RALYL: variants seen among roughly 807,000 people sequenced by gnomAD.
RALYL encodes the protein RALY RNA binding protein like, also known as RNA-binding Raly-like protein.
RALYL carries 29 observed loss-of-function variants against 35.1 expected under a neutral mutation model. That is an observed-to-expected ratio of 0.83 (90% confidence interval 0.61 to 1.13). RALYL has a LOEUF of 1.13. Among genes scored for constraint, RALYL ranks in the 50% most tolerant of loss-of-function variants. RALYL has a pLI of 0.00. For missense variants in RALYL, 359 were observed against 360.4 expected, an observed-to-expected ratio of 1.00 and a Z score of 0.03; for synonymous variants, 120 against 127.6, an observed-to-expected ratio of 0.94 and a Z score of 0.40.
intron 2 of RALYL, among the ~76,000 whole-genome samples, chr8:84,762,065 G>A (rs572529346): frequency 6.6e-6 from 1 of 152,174 alleles, no homozygotes; most frequent in African/African-American, 2.4e-5. Context: ...AAAGCACCAG[G>A]CATGTTTGAG....
intron 2 of RALYL, among the ~76,000 whole-genome samples, chr8:84,742,119 A>G (rs1303133507): frequency 2.6e-5 from 4 of 152,002 alleles, no homozygotes; most frequent in Non-Finnish European, 4.4e-5. Context: ...TTACAAGTTT[A>G]GGTAGGGAAA....
chr8:84,907,309 G>A (rs879925286), intron 8 of RALYL, among the ~76,000 whole-genome samples: 4 of 36,500 alleles, frequency 1.1e-4, no homozygotes, highest in Admixed American at 5.0e-4. Context: ...AAGATATAGC[G>A]TCACACACAC....
At position 84,577,387 on chromosome 8, in the gene RALYL, C is replaced by T. The variant is rs140424097; in HGVS notation, c.256+47810C>T. Among the ~76,000 whole-genome samples the T allele has an allele frequency of 7.2e-5, 11 of 152,154 alleles. No homozygotes were observed. In the East Asian group the frequency reaches 7.7e-4, roughly 11 times the overall value. ...GAAGTCTGGAATTAAGAGTGACAGA[C>T]GAATGGTGGGTGGTAAAGAAAAGAC... On this transcript the variant is annotated intron_variant, in intron 2 of 8. Coordinates refer to ENST00000521268, the MANE Select transcript of RALYL (RefSeq NM_173848.7).
chr8:84,850,172 A>G (rs987205848), intron 5 of RALYL, 145 bp downstream of exon 5: 1 of 450,938 alleles, frequency 2.2e-6, no homozygotes, highest in Non-Finnish European at 3.9e-6. Context: ...CCAACAAAAT[A>G]TACAGATTTT....
intron 1 of RALYL, among the ~76,000 whole-genome samples, chr8:84,239,662 G>A (rs748359586): frequency 5.7e-4 from 86 of 152,048 alleles, no homozygotes; most frequent in Non-Finnish European, 1.1e-3. Context: ...AGGCTGAGGC[G>A]GGCAGGTCAT....
chr8:84,698,663 A>C (rs1839614312), intron 2 of RALYL, among the ~76,000 whole-genome samples: 2 of 152,120 alleles, frequency 1.3e-5, no homozygotes. Context: ...CAGATGCTCT[A>C]GTTCAGAGTC....
At chr8:84,705,842 T>G in intron 2 of RALYL, 1 of 1,263,510 alleles carries the variant, frequency 7.9e-7, no homozygotes, top group Non-Finnish European at 1.1e-6. Flanking sequence ...AACAGAGTAG[T>G]TACAGGCTGT....
intron 8 of RALYL, among the ~76,000 whole-genome samples, chr8:84,893,291 A>T (rs550612290): frequency 1.3e-5 from 2 of 152,372 alleles, no homozygotes; most frequent in East Asian, 3.9e-4. Flanking sequence ...GCATTAGATA[A>T]TTCACATTAT....
At position 84,640,862 on chromosome 8, in the gene RALYL, A is replaced by T. The variant is rs144674907; in HGVS notation, c.256+111285A>T. On this transcript the variant is annotated intron_variant, in intron 2 of 8. Coordinates refer to ENST00000521268, the MANE Select transcript of RALYL (RefSeq NM_173848.7). ...AAGAGCCAATTAATATCTTAAGAAAATCTCATTATAACACAGGGGACCAAT... is the reference window on the plus strand; with the variant it reads ...AAGAGCCAATTAATATCTTAAGAAATTCTCATTATAACACAGGGGACCAAT... Among the ~76,000 whole-genome samples the T allele has an allele frequency of 1.7e-3, 253 of 152,082 alleles. 2 individuals carry two copies. Among genetic ancestry groups the T allele is most frequent in the African/African-American group, 5.3e-3 (221 of 41,562 alleles).
intron 3 of RALYL, among the ~76,000 whole-genome samples, chr8:84,794,064 G>A (rs561961521): frequency 6.6e-6 from 1 of 152,252 alleles, no homozygotes; most frequent in African/African-American, 2.4e-5. Flanking sequence ...TGAGACTGTG[G>A]GGCACAGGTG....
chr8:84,528,680 G>A (rs2059071867), intron 1 of RALYL, among the ~76,000 whole-genome samples: 1 of 151,990 alleles, frequency 6.6e-6, no homozygotes, highest in Non-Finnish European at 1.5e-5. Flanking sequence ...CAAATAAATA[G>A]CATATATAGT....
chr8:84,244,771 C>T (rs371376593), intron 1 of RALYL, among the ~76,000 whole-genome samples: 73 of 152,290 alleles, frequency 4.8e-4, no homozygotes, highest in African/African-American at 1.6e-3. Context: ...AATGAAAGGT[C>T]AGGAGCTTGA....
intron 2 of RALYL, among the ~76,000 whole-genome samples, chr8:84,560,002 G>C (rs2061378309): frequency 6.6e-6 from 1 of 151,002 alleles, no homozygotes; most frequent in Non-Finnish European, 1.5e-5. Context: ...TGCCTCAAAT[G>C]GATGCTAACT....
At chr8:84,582,568 T>G (rs1327330856) in intron 2 of RALYL, among the ~76,000 whole-genome samples, 2 of 152,112 alleles carry the variant, frequency 1.3e-5, no homozygotes, top group African/African-American at 4.8e-5. Context: ...CCACTTGATT[T>G]GTATTTCAAA....
chr8:84,341,474 T>C (rs1848775300), intron 1 of RALYL, among the ~76,000 whole-genome samples: 1 of 151,954 alleles, frequency 6.6e-6, no homozygotes, highest in Non-Finnish European at 1.5e-5. Context: ...CCCTGATACA[T>C]AGTAAATACT....
intron 2 of RALYL, among the ~76,000 whole-genome samples, chr8:84,532,053 A>C (rs180809500): frequency 6.6e-6 from 1 of 152,058 alleles, no homozygotes; most frequent in East Asian, 1.9e-4. Context: ...CTAATCATCT[A>C]TAATCACACT....
At position 84,860,984 on chromosome 8, in the gene RALYL, T is replaced by G. The variant is rs143219367; in HGVS notation, c.414-1312T>G. ...AACTTTTATTATATTTCATATATTA[T>G]TTCCTAAAAATAGATGATCACATTT... On this transcript the variant is annotated intron_variant, in intron 5 of 8. Transcript: ENST00000521268. 9.9e-4 allele frequency among the ~76,000 whole-genome samples: 151 copies of G among 152,322 alleles called. 1 individual carries two copies. The East Asian group carries it at 0.022, about 22-fold the overall frequency.
chr8:84,899,193 G>T (rs772379422), intron 8 of RALYL, among the ~76,000 whole-genome samples: 1 of 152,104 alleles, frequency 6.6e-6, no homozygotes, highest in Non-Finnish European at 1.5e-5. Flanking sequence ...TCATCATTCT[G>T]TGTCACCCAT....
At chr8:84,298,192 T>C (rs1840121516) in intron 1 of RALYL, among the ~76,000 whole-genome samples, 1 of 152,126 alleles carries the variant, frequency 6.6e-6, no homozygotes. Context: ...CTTTAATCCA[T>C]CTTGAGTTGA....
Sources: gnomAD v4.1 joint callset for allele counts (sites outside exome capture counted in the v4.1 genomes callset) on GRCh38, gnomAD v4.1.1 for gene constraint, MANE v1.5 for transcripts, NCBI Gene and HGNC (gene_info 2026-07-23, HGNC 2026-07-21) for gene names.